Variants in BFAR observed in about 807,000 individuals in gnomAD.
BFAR encodes RING finger protein 47.
In BFAR, 52 loss-of-function variants were observed where a neutral mutation model predicts 54.4. The observed-to-expected ratio is 0.96, with a 90% CI of 0.77 to 1.21. BFAR has a LOEUF of 1.21. Ranked by LOEUF, BFAR falls within the 50% of genes most tolerant of loss-of-function variation. BFAR has a pLI of 0.00. For missense variants in BFAR, 571 were observed against 534.0 expected (o/e 1.07, Z -0.68); for synonymous variants, 215 against 204.3 (o/e 1.05, Z -0.45).
chr16:14,647,424 G>A (rs552683985), intron 2 of BFAR, among the ~76,000 whole-genome samples: 19 of 152,026 alleles, frequency 1.2e-4, no homozygotes, highest in Admixed American at 9.2e-4. Context: ...GGCTGGGTGC[G>A]GTGGCTCATG....
At chr16:14,634,071 G>A (rs1461068510) in intron 1 of BFAR, among the ~76,000 whole-genome samples, 1 of 152,222 alleles carries the variant, frequency 6.6e-6, no homozygotes, top group Non-Finnish European at 1.5e-5. Context: ...GCGGAAAACA[G>A]AGTGAGAGCC....
At chr16:14,659,093 G>C (rs1960209401) in intron 5 of BFAR, among the ~76,000 whole-genome samples, 1 of 151,462 alleles carries the variant, frequency 6.6e-6, no homozygotes, top group South Asian at 2.1e-4. Flanking sequence ...ATTTTTAGTA[G>C]GGACGGGGTT....
In BFAR at chr16:14,669,138, T is replaced by C; in HGVS notation, c.*1311T>C. 1 of 372,910 alleles carries C rather than the reference T, an allele frequency of 2.7e-6. No individual in the cohort carries two copies. Among genetic ancestry groups the C allele is most frequent in the Non-Finnish European group, 5.5e-6 (1 of 181,576 alleles). 23.1% of individuals were successfully genotyped at this position (372,910 alleles called of 1,614,324 possible). A position where few individuals can be genotyped will look rare whatever the true frequency, so the allele number is the denominator to read the frequency against. ...GACTCCATGAACCATTCATTAACCC[T>C]TTGTATCTTTGAGTGAAAATTTTAC... On this transcript the variant is annotated 3_prime_UTR_variant, in exon 8 of 8. Transcript: ENST00000261658.
intron 1 of BFAR, among the ~76,000 whole-genome samples, chr16:14,643,193 A>T (rs893120750): frequency 1.3e-5 from 2 of 152,122 alleles, no homozygotes; most frequent in Admixed American, 6.6e-5. Flanking sequence ...CGCACCTGTA[A>T]TCCCAGCTAC....
chr16:14,644,312 T>C lies in BFAR; in HGVS notation c.-35T>C. ...TGCAGCAGTTTTCTACGTCTGAAAT[T>C]TTTTATGTCTCTGGAACCCAGAATT... On this transcript the variant is annotated 5_prime_UTR_variant, in exon 2 of 8. Coordinates refer to ENST00000261658, the MANE Select transcript of BFAR (RefSeq NM_016561.3). The C allele has an allele frequency of 1.9e-6, 3 of 1,585,460 alleles. No individual in the cohort carries two copies. Among genetic ancestry groups the C allele is most frequent in the Non-Finnish European group, 2.6e-6 (3 of 1,163,696 alleles).
intron 1 of BFAR, among the ~76,000 whole-genome samples, chr16:14,635,505 G>C (rs1471480785): frequency 1.3e-5 from 2 of 152,240 alleles, no homozygotes; most frequent in East Asian, 3.9e-4. Context: ...ATAGGTCCTT[G>C]CATATATGCC....
chr16:14,653,958 A>G (rs1321559604), intron 4 of BFAR, among the ~76,000 whole-genome samples: 2 of 150,354 alleles, frequency 1.3e-5, no homozygotes, highest in South Asian at 2.1e-4. Context: ...GCCTCAGCCT[A>G]CCAAAGTACT....
At chr16:14,667,157 C>T (rs570504956) in intron 7 of BFAR, among the ~76,000 whole-genome samples, 63 of 151,708 alleles carry the variant, frequency 4.2e-4, no homozygotes, top group South Asian at 8.4e-4. Context: ...GGTAACATAG[C>T]GAGACCTTGT....
chr16:14,666,614 G>C (rs1422060651), intron 7 of BFAR, among the ~76,000 whole-genome samples: 1 of 152,000 alleles, frequency 6.6e-6, no homozygotes, highest in Non-Finnish European at 1.5e-5. Flanking sequence ...AGAAGAAAGG[G>C]ACAGGCAGAA....
At position 14,649,815 on chromosome 16, in the gene BFAR, C is replaced by T. The variant is rs186678539; in HGVS notation, c.480C>T (p.Leu160=). 2.7e-5 allele frequency: 44 copies of T among 1,603,446 alleles called. No individual in the cohort carries two copies. Among genetic ancestry groups the T allele is most frequent in the Non-Finnish European group, 3.3e-5 (39 of 1,173,330 alleles). ...TCACTTTTCCCCAGGTGGTCCTGCTCGTCTATCACTGGAGCAGCAGGGAAT... is the reference window on the plus strand; with the variant it reads ...TCACTTTTCCCCAGGTGGTCCTGCTTGTCTATCACTGGAGCAGCAGGGAAT... The part of the protein sequence containing the change: ...TALTGVAVVL[L]VYHWSSRESE... Residue 160 remains leucine, a synonymous_variant, in exon 4 of 8, where the codon CTC becomes CTT. Transcript: ENST00000261658.
At position 14,665,025 on chromosome 16, in the gene BFAR, C is replaced by CTGGAATTATTCTCCAAA. The variant is rs1430123160; in HGVS notation, c.1128_1129insAAATGGAATTATTCTCC (p.Phe377LysfsTer16). 1.2e-6 allele frequency: 2 copies of CTGGAATTATTCTCCAAA among 1,613,992 alleles called. No homozygotes were observed. Among genetic ancestry groups the CTGGAATTATTCTCCAAA allele is most frequent in the African/African-American group, 2.7e-5 (2 of 74,900 alleles). On this transcript the variant is annotated frameshift_variant, in exon 7 of 8. Coordinates refer to ENST00000261658, the MANE Select transcript of BFAR (RefSeq NM_016561.3). LOFTEE classifies it high-confidence loss of function. ...CATCAATGCTATGTTACTCTCAGTT[C>CTGGAATTATTCTCCAAA]TGGAATTATTCTCCTTTTGGAGAAT...
At chr16:14,655,486 C>CTTT (rs1194596499) in intron 5 of BFAR, among the ~76,000 whole-genome samples, 1 of 139,794 alleles carries the variant, frequency 7.2e-6, no homozygotes, top group African/African-American at 2.6e-5. Context: ...TTTTTTCTTT[C>CTTT]TTTTTTTTTT....
intron 5 of BFAR, among the ~76,000 whole-genome samples, chr16:14,661,021 C>T (rs897701532): frequency 6.6e-6 from 1 of 152,046 alleles, no homozygotes. Context: ...TGAGCCACCA[C>T]GCTTACCCTG....
At chr16:14,656,962 G>C (rs951387787) in intron 5 of BFAR, among the ~76,000 whole-genome samples, 11 of 151,932 alleles carry the variant, frequency 7.2e-5, no homozygotes, top group Admixed American at 4.6e-4. Flanking sequence ...AATTAGCCAG[G>C]TGTGGTGGTG....
intron 5 of BFAR, among the ~76,000 whole-genome samples, chr16:14,657,598 A>C (rs1220049692): frequency 6.6e-6 from 1 of 151,942 alleles, no homozygotes; most frequent in Non-Finnish European, 1.5e-5. Context: ...ACTGGAGTGC[A>C]GTGGTGCGAC....
chr16:14,660,640 C>T (rs1960263526), intron 5 of BFAR, among the ~76,000 whole-genome samples: 1 of 141,826 alleles, frequency 7.1e-6, no homozygotes, highest in African/African-American at 2.6e-5. Context: ...GTGGCTCACA[C>T]CTGTAATCCC....
chr16:14,666,785 C>G (rs1177789663), intron 7 of BFAR, among the ~76,000 whole-genome samples: 2 of 152,180 alleles, frequency 1.3e-5, no homozygotes. Context: ...AGCAAACTCA[C>G]TTATTTATAT....
chr16:14,654,694 C>T (rs924777914), intron 4 of BFAR, among the ~76,000 whole-genome samples: 6 of 151,772 alleles, frequency 4.0e-5, no homozygotes, highest in African/African-American at 1.5e-4. Flanking sequence ...GTGGTTTCAC[C>T]ATGTTGGCTG....
chr16:14,639,497 G>A (rs1596965255), intron 1 of BFAR, among the ~76,000 whole-genome samples: 1 of 151,976 alleles, frequency 6.6e-6, no homozygotes, highest in Non-Finnish European at 1.5e-5. Flanking sequence ...TGGTAGAGAT[G>A]GAGTTTCACC....
Sources: allele counts gnomAD v4.1 joint callset (sites outside exome capture counted in the v4.1 genomes callset), GRCh38; gene constraint gnomAD v4.1.1; transcripts MANE v1.5; gene names NCBI Gene and HGNC (gene_info 2026-07-23, HGNC 2026-07-21).